Variants in ORC1 observed in about 807,000 individuals in gnomAD.
ORC1 encodes the protein origin recognition complex, subunit 1 homolog.
Under a neutral mutation model 98.9 loss-of-function variants are expected in ORC1, and 61 were observed. The ratio of observed to expected loss-of-function variants is 0.62; its 90% CI spans 0.50 to 0.76. The LOEUF (loss-of-function observed/expected upper bound fraction) is 0.76. Ranked by LOEUF, ORC1 falls within the 30% of genes least tolerant of loss-of-function variation. The pLI, the probability that ORC1 is intolerant of heterozygous loss-of-function variation, is 0.00. For missense variants in ORC1, 979 were observed against 1,072.2 expected, an observed-to-expected ratio of 0.91 and a Z score of 1.21; for synonymous variants, 385 against 406.9, an observed-to-expected ratio of 0.95 and a Z score of 0.65.
intron 14 of ORC1, among the ~76,000 whole-genome samples, chr1:52,376,733 G>C (rs746410659): frequency 1.3e-5 from 2 of 152,086 alleles, no homozygotes; most frequent in East Asian, 3.9e-4. Flanking sequence ...GGGAACTCTG[G>C]GGGGTAAGGA....
chr1:52,373,456 A>G, intron 16 of ORC1, 81 bp from the exon 17 acceptor site: 1 of 1,228,432 alleles, frequency 8.1e-7, no homozygotes. Flanking sequence ...TTCATTTGGG[A>G]AAATCAGACA....
chr1:52,378,362 A>G (rs989888915), intron 14 of ORC1, among the ~76,000 whole-genome samples: 4 of 150,324 alleles, frequency 2.7e-5, no homozygotes, highest in African/African-American at 9.9e-5. Context: ...AAAAACAAAC[A>G]AAACACCAAA....
intron 3 of ORC1, among the ~76,000 whole-genome samples, chr1:52,398,462 C>A (rs566396581): frequency 6.6e-6 from 1 of 151,978 alleles, no homozygotes; most frequent in Non-Finnish European, 1.5e-5. Flanking sequence ...TAGGGTTTCA[C>A]CATGTTGGCC....
intron 6 of ORC1, 69 bp downstream of exon 6, chr1:52,393,374 A>C (rs1281842867): frequency 6.2e-7 from 1 of 1,603,650 alleles, no homozygotes; most frequent in Non-Finnish European, 8.5e-7. Flanking sequence ...AACTTTTTTG[A>C]CTATGACTCA....
chr1:52,387,520 C>A (rs974016518), intron 8 of ORC1, among the ~76,000 whole-genome samples: 19 of 152,118 alleles, frequency 1.2e-4, no homozygotes, highest in Admixed American at 1.0e-3. Context: ...TGCTATGGTG[C>A]GATCTCAGCT....
At position 52,381,666 on chromosome 1, in the gene ORC1, A is replaced by C; in HGVS notation, c.2109T>G (p.Asp703Glu). 1 of 1,613,074 alleles carries C rather than the reference A, an allele frequency of 6.2e-7. No individual in the cohort carries two copies. Among genetic ancestry groups the C allele is most frequent in the South Asian group, 1.1e-5 (1 of 91,032 alleles). ...CCTTCCTGGCTACCAGCTGGATGGC[A>C]TCATCTTCAAAGGCCTTTAGATGCT... ...RLKHLKAFEDDAIQLVARKVA... is the reference protein window; with the variant it reads ...RLKHLKAFEDEAIQLVARKVA... Residue 703 changes from aspartate to glutamate, a missense_variant, in exon 14 of 17, where the codon GAT becomes GAG. Coordinates refer to ENST00000371568, the MANE Select transcript of ORC1 (RefSeq NM_004153.4).
chr1:52,394,453 A>G (rs1412106399), intron 5 of ORC1, among the ~76,000 whole-genome samples: 2 of 152,206 alleles, frequency 1.3e-5, no homozygotes, highest in African/African-American at 4.8e-5. Context: ...AAAACACTCT[A>G]GTCTAACAGA....
chr1:52,401,486 T>G lies in ORC1; in HGVS notation c.99A>C (p.Glu33Asp). Residue 33 changes from glutamate (E) to aspartate (D), a missense_variant, in exon 3 of 17, where the codon GAA becomes GAC. Transcript: ENST00000371568. ...DRKLHYQTYR[E>D]MCVKTEGCST... ...AACAACCTTCTGTTTTCACACACAT[T>G]TCTCTAGGAAGTAACAGAGAAGCAC... 6.2e-7 allele frequency: 1 copy of G among 1,613,954 alleles called. No individual in the cohort carries two copies. Among genetic ancestry groups the G allele is most frequent in the Non-Finnish European group, 8.5e-7 (1 of 1,179,998 alleles).
intron 9 of ORC1, 134 bp from the exon 10 acceptor site, chr1:52,385,396 G>A (rs1304511989): frequency 2.6e-5 from 20 of 756,510 alleles, no homozygotes. Flanking sequence ...AAATGCTAGA[G>A]AATCCCTTCA....
upstream of ORC1, chr1:52,408,945 T>G (rs984295476): frequency 8.9e-6 from 3 of 335,710 alleles, no homozygotes; most frequent in Non-Finnish European, 1.7e-5. Context: ...CCTTGCATCA[T>G]ATGCCCCCTT....
upstream of ORC1, chr1:52,404,447 C>G: frequency 3.9e-6 from 1 of 256,360 alleles, no homozygotes; most frequent in South Asian, 5.6e-5. Flanking sequence ...TCGCGCCAAT[C>G]GGCGTGGCCC....
intron 16 of ORC1, 36 bp from the exon 17 acceptor site, chr1:52,373,411 A>G (rs1377575447): frequency 1.3e-6 from 2 of 1,568,304 alleles, no homozygotes; most frequent in Non-Finnish European, 1.8e-6. Context: ...TTAAGAGGAA[A>G]TACAATCCTG....
chr1:52,404,528 C>T (rs561349601), upstream of ORC1: 5 of 488,216 alleles, frequency 1.0e-5, no homozygotes, highest in South Asian at 9.2e-5. Flanking sequence ...CTAAGAGGGG[C>T]GCATGACGTA....
chr1:52,392,078 A>G (rs1647223190), intron 6 of ORC1, among the ~76,000 whole-genome samples: 1 of 152,098 alleles, frequency 6.6e-6, no homozygotes, highest in African/African-American at 2.4e-5. Context: ...GAATGGCCAT[A>G]ATTTAAAAAA....
At chr1:52,378,877 C>T (rs1289234220) in intron 14 of ORC1, among the ~76,000 whole-genome samples, 2 of 149,244 alleles carry the variant, frequency 1.3e-5, no homozygotes, top group African/African-American at 4.9e-5. Context: ...ACTGAAAATA[C>T]AAAAAATTAG....
intron 14 of ORC1, among the ~76,000 whole-genome samples, chr1:52,379,007 T>C (rs1647029026): frequency 6.6e-6 from 1 of 151,718 alleles, no homozygotes; most frequent in African/African-American, 2.4e-5. Flanking sequence ...CACTCCAGCC[T>C]GGGCGACAGA....
At position 52,373,141 on chromosome 1, in the gene ORC1, A is replaced by C; in HGVS notation, c.*40T>G. On this transcript the variant is annotated 3_prime_UTR_variant, in exon 17 of 17. Transcript: ENST00000371568. The stretch of plus-strand genomic sequence containing the variant: ...AGCAAGACCCTGTCTCAAAAAACAA[A>C]ACCCAGCAAGACCCCAGTCTTTTAA... 1 of 1,604,136 alleles carries C rather than the reference A, an allele frequency of 6.2e-7. No homozygotes were observed. The highest frequency in any genetic ancestry group is 1.1e-5 in the South Asian group (1 of 90,582).
At chr1:52,373,477 A>C (rs1052327708) in intron 16 of ORC1, 102 bp from the exon 17 acceptor site, 2 of 988,160 alleles carry the variant, frequency 2.0e-6, no homozygotes, top group South Asian at 1.4e-5. Context: ...CATGGCCCCC[A>C]GGATATCAAA....
At chr1:52,401,304 C>T (rs990743461) in intron 3 of ORC1, 58 bp downstream of exon 3, 5 of 1,607,556 alleles carry the variant, frequency 3.1e-6, no homozygotes, top group East Asian at 4.5e-5. Flanking sequence ...TCCACAATCT[C>T]CCCACCTCCC....
Sources: allele counts gnomAD v4.1 joint callset (sites outside exome capture counted in the v4.1 genomes callset), GRCh38; gene constraint gnomAD v4.1.1; transcripts MANE v1.5; gene names NCBI Gene and HGNC (gene_info 2026-07-23, HGNC 2026-07-21).